Variants in SPIN3 observed in about 807,000 individuals in gnomAD.
SPIN3 encodes spindlin family member 3.
For synonymous variants in SPIN3, 74 were observed against 74.3 expected, an observed-to-expected ratio of 1.00 and a Z score of 0.02; for missense variants, 176 against 196.4, an observed-to-expected ratio of 0.90 and a Z score of 0.62.
Position 56,994,382 on chromosome X carries a change from A to C in SPIN3, c.566T>G (p.Leu189Arg). Residue 189 changes from leucine to arginine, a missense_variant, in exon 2 of 2, where the codon CTT becomes CGT. Leu to Arg is a moderately radical substitution (Grantham distance 102). Coordinates refer to ENST00000374919, the MANE Select transcript of SPIN3 (RefSeq NM_001010862.3). ...CAGAGGAGAATCATTGGAATCTTGA[A>C]GGATGCGGAGGTCACCATCTTTATA... is the stretch of plus-strand genomic sequence containing the variant. ...DDYKDGDLRI[L>R]QDSNDSPLAE... 1 of 1,211,212 alleles carries C rather than the reference A, an allele frequency of 8.3e-7. No individual in the cohort carries two copies. Among genetic ancestry groups the C allele is most frequent in the Non-Finnish European group, 1.1e-6 (1 of 895,287 alleles).
chrX:56,993,967 T>C lies in SPIN3; in HGVS notation c.*204A>G. 4 of 395,222 alleles carry C rather than the reference T, an allele frequency of 1.0e-5. No individual in the cohort carries two copies. Among genetic ancestry groups the C allele is most frequent in the Non-Finnish European group, 1.7e-5 (4 of 231,822 alleles). The allele number at this position is 395,222 out of a possible 1,213,427, so 32.6% of individuals were successfully genotyped here. A position where few individuals can be genotyped will look rare whatever the true frequency, so the allele number is the denominator to read the frequency against. ...TACCCTTCTCACTAATCAGTTAAAT[T>C]GCGGAGAGGAACCAGTGAAAAGGTT... On this transcript the variant is annotated 3_prime_UTR_variant, in exon 2 of 2. Coordinates refer to ENST00000374919, the MANE Select transcript of SPIN3 (RefSeq NM_001010862.3).
chrX:56,989,151 T>C (rs182632469), downstream of SPIN3, among the ~76,000 whole-genome samples: 5 of 111,593 alleles, frequency 4.5e-5, no homozygotes, highest in Admixed American at 4.8e-4. Flanking sequence ...CTAGTGTATA[T>C]TGGGTATGTT....
rs1012461020 is a variant in SPIN3 at position 56,991,119 on chromosome X, A to T, written c.*3052T>A. On this transcript the variant is annotated 3_prime_UTR_variant, in exon 2 of 2. Coordinates refer to ENST00000374919, the MANE Select transcript of SPIN3 (RefSeq NM_001010862.3). ...TACCCTTTTATACTGTTTGACTTTT[A>T]CCATAGGCATGTGTTATTTTTCTAA... 2 of 111,789 alleles carry T rather than the reference A, an allele frequency of 1.8e-5. No individual in the cohort carries two copies. Among genetic ancestry groups the T allele is most frequent in the Admixed American group, 1.9e-4 (2 of 10,515 alleles). 9.2% of individuals were successfully genotyped at this position (111,789 alleles called of 1,213,427 possible). A position where few individuals can be genotyped will look rare whatever the true frequency, so the allele number is the denominator to read the frequency against.
downstream of SPIN3, among the ~76,000 whole-genome samples, chrX:56,988,567 A>C (rs1005346988): frequency 1.5e-4 from 17 of 111,532 alleles, no homozygotes; most frequent in African/African-American, 5.2e-4. Context: ...ATTTATATTT[A>C]ACAATCACTC....
In SPIN3 at chrX:56,979,421, A is replaced by G. The variant is rs907016257; in HGVS notation, c.*205-761T>C. On this transcript the variant is annotated intron_variant and NMD_transcript_variant, in intron 3 of 5. Transcript: ENST00000475785. ...GATGAAGCATCACCAGTTTGCCACC[A>G]TCTTAACCCAGAAACAAAAACACAG... is the stretch of plus-strand genomic sequence containing the variant. 17 of 111,956 alleles carry G rather than the reference A, an allele frequency of 1.5e-4. 1 individual carries two copies. The highest frequency in any genetic ancestry group is 3.8e-4 in the Admixed American group (4 of 10,552). The allele number at this position is 111,956 out of a possible 1,213,427, so 9.2% of individuals were successfully genotyped here.
chrX:56,994,909 C>T lies in SPIN3; in HGVS notation c.39G>A (p.Arg13=). Residue 13 remains arginine (R), a synonymous_variant, in exon 2 of 2, where the codon CGG becomes CGA. Transcript: ENST00000374919. ...TGCCGTGGCCAGCGCCCGTCCTGGA[C>T]CGCTGCCCTGCAGCTGCCTTTCCAA... ...TPFGKAAAGQ[R]SRTGAGHGSV... is the part of the protein sequence containing the mutation. 5.0e-6 allele frequency: 6 copies of T among 1,203,945 alleles called. No individual in the cohort carries two copies. The highest frequency in any genetic ancestry group is 6.7e-6 in the Non-Finnish European group (6 of 891,499).
At chrX:56,979,040 A>G (rs753227402) in intron 3 of SPIN3, 3 of 111,499 alleles carry the variant, frequency 2.7e-5, no homozygotes, top group African/African-American at 9.8e-5. Context: ...CAGATTCCAA[A>G]TTCCTTAAAC....
At chrX:56,988,261 CTTG>C (rs1317018952), downstream of SPIN3, among the ~76,000 whole-genome samples, 1 of 111,199 alleles carries the variant, frequency 9.0e-6, no homozygotes, top group African/African-American at 3.3e-5. Flanking sequence ...TAAAACTTTG[CTTG>C]TTTACTCACT....
In SPIN3 at chrX:56,994,169, C is replaced by G. The variant is rs1320598591; in HGVS notation, c.*2G>C. 8.4e-7 allele frequency: 1 copy of G among 1,193,036 alleles called. No individual in the cohort carries two copies. The highest frequency in any genetic ancestry group is 1.8e-5 in the African/African-American group (1 of 56,770). ...TATATTTGGCAAATTTCAAGATGAC[C>G]TCTAAGATGTTTTTACCAAATCGTA... is the stretch of plus-strand genomic sequence containing the variant. On this transcript the variant is annotated 3_prime_UTR_variant, in exon 2 of 2. Coordinates refer to ENST00000374919, the MANE Select transcript of SPIN3 (RefSeq NM_001010862.3).
At chrX:56,982,963 A>T (rs1924150037) in intron 3 of SPIN3, 2 of 111,760 alleles carry the variant, frequency 1.8e-5, no homozygotes, top group African/African-American at 3.3e-5. Flanking sequence ...AGGGAGTAGT[A>T]GTAAATAGTG....
Position 56,994,965 on chromosome X carries a change from C to T in SPIN3, c.-2-16G>A. Reference sequence around the variant, plus strand: ...GTCTTCATGCCTGCGAAGAGGAGCACAGTTGCCAGGTGGACCGAGAAAGGA... The same window carrying T: ...GTCTTCATGCCTGCGAAGAGGAGCATAGTTGCCAGGTGGACCGAGAAAGGA... On this transcript the variant is annotated splice_polypyrimidine_tract_variant and intron_variant, in intron 1 of 1. Coordinates refer to ENST00000374919, the MANE Select transcript of SPIN3 (RefSeq NM_001010862.3). 2.6e-6 allele frequency: 3 copies of T among 1,159,699 alleles called. No individual in the cohort carries two copies. The highest frequency in any genetic ancestry group is 3.4e-6 in the Non-Finnish European group (3 of 872,822).
chrX:56,978,055 A>G (rs1357759001), intron 5 of SPIN3: 2 of 112,153 alleles, frequency 1.8e-5, no homozygotes, highest in South Asian at 3.7e-4. Context: ...AGAGTTTATG[A>G]TCATTTGATA....
intron 1 of SPIN3, 129 bp from the exon 2 acceptor site, chrX:56,995,078 G>A (rs1924460763): frequency 1.3e-6 from 1 of 791,036 alleles, no homozygotes; most frequent in East Asian, 3.5e-5. Context: ...CCGAAAGCTA[G>A]ATAGCAAAGC....
chrX:56,976,587 A>G (rs1351177422), exon 6 of SPIN3: 1 of 111,711 alleles, frequency 9.0e-6, no homozygotes, highest in Non-Finnish European at 1.9e-5. Flanking sequence ...AGTTAGGTAG[A>G]GAAAAACTTG....
chrX:56,983,610 A>G (rs1924164931), intron 3 of SPIN3, among the ~76,000 whole-genome samples: 1 of 112,728 alleles, frequency 8.9e-6, no homozygotes. Flanking sequence ...GTGTTTAAGC[A>G]AGGGAGGCCC....
intron 5 of SPIN3, chrX:56,977,726 C>T (rs1211192560): frequency 9.0e-6 from 1 of 111,678 alleles, no homozygotes; most frequent in Non-Finnish European, 1.9e-5. Flanking sequence ...GAGGGTTCTG[C>T]CCTTGTGAAT....
intron 3 of SPIN3, chrX:56,982,159 AG>A (rs1162739593): frequency 2.7e-5 from 3 of 111,638 alleles, no homozygotes; most frequent in Non-Finnish European, 3.8e-5. Flanking sequence ...CGGACCACCC[AG>A]GATCATGATG....
At position 56,995,203 on chromosome X, in the gene SPIN3, C is replaced by A; in HGVS notation, c.-3+13G>T. 1 of 329,652 alleles carries A rather than the reference C, an allele frequency of 3.0e-6. No individual in the cohort carries two copies. Among genetic ancestry groups the A allele is most frequent in the Non-Finnish European group, 5.2e-6 (1 of 191,301 alleles). 27.2% of individuals were successfully genotyped at this position (329,652 alleles called of 1,213,427 possible). On this transcript the variant is annotated intron_variant, in intron 1 of 1. Coordinates refer to ENST00000374919, the MANE Select transcript of SPIN3 (RefSeq NM_001010862.3). ...GCGTTTCCCCATTCCCCTCGCCCTG[C>A]TTCCAACACTACCCGGCCAGGAGGC...
chrX:56,994,385 A>G lies in SPIN3; in HGVS notation c.563T>C (p.Ile188Thr). ...AGGAGAATCATTGGAATCTTGAAGG[A>G]TGCGGAGGTCACCATCTTTATAATC... ...LDDYKDGDLRILQDSNDSPLA... is the reference protein window; with the variant it reads ...LDDYKDGDLRTLQDSNDSPLA... Residue 188 changes from isoleucine to threonine, a missense_variant, in exon 2 of 2, where the codon ATC becomes ACC. Coordinates refer to ENST00000374919, the MANE Select transcript of SPIN3 (RefSeq NM_001010862.3). 1 of 1,211,474 alleles carries G rather than the reference A, an allele frequency of 8.3e-7. No homozygotes were observed. The highest frequency in any genetic ancestry group is 1.1e-6 in the Non-Finnish European group (1 of 895,403).
Sources: gnomAD v4.1 joint callset for allele counts (sites outside exome capture counted in the v4.1 genomes callset) on GRCh38, gnomAD v4.1.1 for gene constraint, MANE v1.5 for transcripts, NCBI Gene and HGNC (gene_info 2026-07-23, HGNC 2026-07-21) for gene names.